The following SH3GL3 variants were observed in gnomAD, a reference collection of about 807,000 sequenced individuals.
The protein encoded by SH3GL3 is endophilin-A3.
SH3GL3 carries 33 observed loss-of-function variants against 47.7 expected under a neutral mutation model. That is an observed-to-expected ratio of 0.69 (90% CI 0.52 to 0.92). The LOEUF (loss-of-function observed/expected upper bound fraction) is 0.92. Among genes scored for constraint, SH3GL3 ranks in the 40% least tolerant of loss-of-function variants. The pLI is 0.00. For missense variants in SH3GL3, 363 were observed against 417.8 expected, an observed-to-expected ratio of 0.87 and a Z score of 1.14; for synonymous variants, 155 against 148.8, an observed-to-expected ratio of 1.04 and a Z score of -0.30.
intron 8 of SH3GL3, among the ~76,000 whole-genome samples, chr15:83,594,676 GTTTACATAT>G (rs2060194104): frequency 6.6e-6 from 1 of 152,128 alleles, no homozygotes; most frequent in Non-Finnish European, 1.5e-5. Flanking sequence ...GGGGAGTACT[GTTTACATAT>G]TTTGTAGAAT....
chr15:83,567,758 T>G (rs1488422270), intron 3 of SH3GL3, among the ~76,000 whole-genome samples: 1 of 152,150 alleles, frequency 6.6e-6, no homozygotes, highest in Non-Finnish European at 1.5e-5. Flanking sequence ...CAGTTGGTTG[T>G]TTGAAATATC....
At chr15:83,511,764 T>C (rs2042764256) in intron 1 of SH3GL3, among the ~76,000 whole-genome samples, 1 of 152,162 alleles carries the variant, frequency 6.6e-6, no homozygotes, top group Non-Finnish European at 1.5e-5. Context: ...ACCTGCTGGT[T>C]CCCTCACCCA....
intron 8 of SH3GL3, among the ~76,000 whole-genome samples, chr15:83,611,864 G>A (rs1230083595): frequency 1.3e-5 from 2 of 150,348 alleles, no homozygotes; most frequent in Admixed American, 6.6e-5. Context: ...TCCATCCATG[G>A]TGACTTTTGT....
At chr15:83,588,090 TTGA>T (rs2059999876) in intron 7 of SH3GL3, among the ~76,000 whole-genome samples, 2 of 152,308 alleles carry the variant, frequency 1.3e-5, no homozygotes, top group African/African-American at 4.8e-5. Context: ...CCTCAGAGAC[TTGA>T]TGAAGAAAAT....
chr15:83,589,986 A>G (rs145310601), intron 8 of SH3GL3, among the ~76,000 whole-genome samples: 8 of 152,318 alleles, frequency 5.3e-5, no homozygotes, highest in Admixed American at 2.0e-4. Flanking sequence ...ATGAGAAAAA[A>G]ATGGTATCCA....
chr15:83,531,142 C>A (rs2043650591), intron 1 of SH3GL3, among the ~76,000 whole-genome samples: 1 of 152,152 alleles, frequency 6.6e-6, no homozygotes, highest in Admixed American at 6.5e-5. Context: ...GGTCAGAGGG[C>A]CTACTACTTT....
chr15:83,461,921 G>A (rs759088483), intron 1 of SH3GL3, among the ~76,000 whole-genome samples: 1 of 152,090 alleles, frequency 6.6e-6, no homozygotes, highest in Non-Finnish European at 1.5e-5. Context: ...TGGTAAAATT[G>A]GGATGACAGT....
intron 1 of SH3GL3, among the ~76,000 whole-genome samples, chr15:83,536,932 T>C (rs2043938068): frequency 6.6e-6 from 1 of 152,226 alleles, no homozygotes; most frequent in Non-Finnish European, 1.5e-5. Context: ...CCTGTCGCAC[T>C]CCTGGTTTTC....
intron 2 of SH3GL3, among the ~76,000 whole-genome samples, chr15:83,563,305 G>C (rs2045374429): frequency 6.6e-6 from 1 of 151,890 alleles, no homozygotes; most frequent in South Asian, 2.1e-4. Context: ...GTCTCCTGTT[G>C]ATTTCCATTT....
At chr15:83,518,606 A>G (rs113298287) in intron 1 of SH3GL3, among the ~76,000 whole-genome samples, 11,462 of 152,032 alleles carry the variant, frequency 0.075, 572 homozygotes, top group Admixed American at 0.14. Context: ...TGCTTGTGCA[A>G]TTGTTTAAGT....
chr15:83,497,675 G>A (rs1475484101), intron 1 of SH3GL3, among the ~76,000 whole-genome samples: 1 of 152,102 alleles, frequency 6.6e-6, no homozygotes, highest in African/African-American at 2.4e-5. Context: ...CTTTTAGAAA[G>A]CATATCTCTA....
At chr15:83,517,365 T>G (rs2043028668) in intron 1 of SH3GL3, among the ~76,000 whole-genome samples, 1 of 151,918 alleles carries the variant, frequency 6.6e-6, no homozygotes, top group Non-Finnish European at 1.5e-5. Context: ...CTACCATGCC[T>G]GGCTAATTTT....
rs147739511 is a variant in SH3GL3 at position 83,540,313 on chromosome 15, A to C, written c.46-18940A>C. On this transcript the variant is annotated intron_variant, in intron 1 of 8. Coordinates refer to ENST00000427482, the MANE Select transcript of SH3GL3 (RefSeq NM_003027.5). ...TACAGTGTTCTACATATGATGGTTC[A>C]AGTCATGTTAATCTACTGATTGTTT... Among the ~76,000 whole-genome samples, 16 of 152,260 alleles carry C rather than the reference A, an allele frequency of 1.1e-4. No individual in the cohort carries two copies. In the East Asian group the frequency reaches 3.1e-3, roughly 29 times the overall value.
intron 6 of SH3GL3, among the ~76,000 whole-genome samples, chr15:83,583,246 C>A (rs961815898): frequency 4.6e-5 from 7 of 152,190 alleles, no homozygotes; most frequent in Non-Finnish European, 8.8e-5. Flanking sequence ...TCTCTCTGTC[C>A]TCGCCATGGG....
At chr15:83,494,756 T>A (rs1274814938) in intron 1 of SH3GL3, among the ~76,000 whole-genome samples, 1 of 152,178 alleles carries the variant, frequency 6.6e-6, no homozygotes, top group Admixed American at 6.5e-5. Context: ...TTGGCCAGGC[T>A]GGTCTCGAAC....
At chr15:83,459,430 T>C (rs1267433065) in intron 1 of SH3GL3, among the ~76,000 whole-genome samples, 1 of 152,184 alleles carries the variant, frequency 6.6e-6, no homozygotes, top group Non-Finnish European at 1.5e-5. Flanking sequence ...GGAGGGTTTA[T>C]GAAAGATGGG....
intron 1 of SH3GL3, among the ~76,000 whole-genome samples, chr15:83,555,677 C>T (rs1247898270): frequency 6.6e-6 from 1 of 151,486 alleles, no homozygotes; most frequent in Non-Finnish European, 1.5e-5. Flanking sequence ...CAGGGGTTTA[C>T]ATCTGAATTT....
chr15:83,560,249 C>T (rs191372110), intron 2 of SH3GL3, among the ~76,000 whole-genome samples: 134 of 152,312 alleles, frequency 8.8e-4, no homozygotes, highest in Non-Finnish European at 1.7e-3. Flanking sequence ...CCCCAGGCTG[C>T]GCACTGCCTG....
At chr15:83,492,828 TG>T (rs2041930357) in intron 1 of SH3GL3, among the ~76,000 whole-genome samples, 1 of 152,224 alleles carries the variant, frequency 6.6e-6, no homozygotes, top group East Asian at 1.9e-4. Context: ...AACCCTTTGT[TG>T]GTGGTCCTCC....
Sources: allele counts gnomAD v4.1 joint callset (sites outside exome capture counted in the v4.1 genomes callset), GRCh38; gene constraint gnomAD v4.1.1; transcripts MANE v1.5; gene names NCBI Gene and HGNC (gene_info 2026-07-23, HGNC 2026-07-21).